Variants in RNF38 observed in about 807,000 individuals in gnomAD.
The protein encoded by RNF38 is ring finger protein 38, also known as E3 ubiquitin-protein ligase RNF38.
Under a neutral mutation model 67.2 loss-of-function variants are expected in RNF38, and 15 were observed. The ratio of observed to expected loss-of-function variants is 0.22; its 90% CI spans 0.15 to 0.34. The LOEUF (loss-of-function observed/expected upper bound fraction) is 0.34, where lower values mean the gene tolerates loss of function less well. Ranked by LOEUF, RNF38 falls within the 10% of genes least tolerant of loss-of-function variation. The probability of loss-of-function intolerance (pLI) is 1.00; values close to 1 mark genes in which losing one functional copy is unlikely to be tolerated. For missense variants in RNF38, 524 were observed against 639.9 expected (o/e 0.82, Z 1.95); for synonymous variants, 220 against 218.8 (o/e 1.01, Z -0.05).
intron 1 of RNF38, among the ~76,000 whole-genome samples, chr9:36,427,010 G>A (rs1057012808): frequency 1.3e-5 from 2 of 152,124 alleles, no homozygotes; most frequent in African/African-American, 4.8e-5. Context: ...TCACATCAAG[G>A]CTGTGATTTA....
intron 2 of RNF38, among the ~76,000 whole-genome samples, chr9:36,388,161 C>A (rs749369528): frequency 1.3e-5 from 2 of 151,882 alleles, no homozygotes; most frequent in African/African-American, 4.8e-5. Context: ...GAGAGATGTA[C>A]GTGAGGCACA....
chr9:36,438,006 C>T (rs563852012), intron 1 of RNF38, among the ~76,000 whole-genome samples: 8 of 152,276 alleles, frequency 5.3e-5, no homozygotes, highest in South Asian at 2.1e-4. Context: ...AGTGCAGTGG[C>T]GCAATCACAG....
chr9:36,415,848 T>C (rs758648065), intron 2 of RNF38, among the ~76,000 whole-genome samples: 19 of 152,118 alleles, frequency 1.2e-4, no homozygotes, highest in Non-Finnish European at 2.6e-4. Context: ...AGCTAGGATG[T>C]TACAGGCAGT....
At chr9:36,372,400 C>T in intron 3 of RNF38, 2 of 582,540 alleles carry the variant, frequency 3.4e-6, no homozygotes, top group South Asian at 2.2e-5. Flanking sequence ...AGTTTAATGG[C>T]CCTGTTTATT....
In RNF38 at chr9:36,375,989, T is replaced by G; in HGVS notation, c.301A>C (p.Ser101Arg). 1 of 1,613,332 alleles carries G rather than the reference T, an allele frequency of 6.2e-7. No homozygotes were observed. Among genetic ancestry groups the G allele is most frequent in the East Asian group, 2.2e-5 (1 of 44,842 alleles). The change falls in exon 3 of 12, where the codon AGC becomes CGC. Residue 101 changes from serine (S) to arginine (R), a missense_variant. Physicochemically the swap from Ser to Arg is moderately radical, Grantham distance 110. Transcript: ENST00000259605. ...CGTTCCCCTGAGAAGTGATGTTGGCTTGGTCGAACTGAAGGGGGCTGCCTA... is the reference window on the plus strand; with the variant it reads ...CGTTCCCCTGAGAAGTGATGTTGGCGTGGTCGAACTGAAGGGGGCTGCCTA... ...SNRQPPSVRP[S>R]QHHFSGERCN...
intron 1 of RNF38, among the ~76,000 whole-genome samples, chr9:36,433,959 C>A (rs1044203152): frequency 2.0e-5 from 3 of 151,892 alleles, no homozygotes; most frequent in Middle Eastern, 3.4e-3. Context: ...AACTTTTAGG[C>A]CAGGCGCGGT....
chr9:36,476,296 T>C lies in RNF38; in HGVS notation n.241+11012A>G, dbSNP rs534802358. Among the ~76,000 whole-genome samples, 4 of 152,044 alleles carry C rather than the reference T, an allele frequency of 2.6e-5. No individual in the cohort carries two copies. The East Asian group carries it at 7.8e-4, about 30-fold the overall frequency. ...ATCATGCCTGGCTAATTTTTGTATTTTAGTAGAGACGGGGTTTCCCCTTGG... is the reference window on the plus strand; with the variant it reads ...ATCATGCCTGGCTAATTTTTGTATTCTAGTAGAGACGGGGTTTCCCCTTGG... On this transcript the variant is annotated intron_variant and non_coding_transcript_variant, in intron 1 of 3. Coordinates refer to the RNF38 transcript ENST00000488058.
intron 1 of RNF38, among the ~76,000 whole-genome samples, chr9:36,483,136 C>T (rs1840318200): frequency 1.3e-5 from 2 of 152,160 alleles, no homozygotes; most frequent in African/African-American, 4.8e-5. Flanking sequence ...CGTGTAATCC[C>T]AACACTTTGG....
rs1361974207 is a variant in RNF38 at position 36,363,081 on chromosome 9, A to G, written c.571-5139T>C. On this transcript the variant is annotated intron_variant, in intron 4 of 11. Transcript: ENST00000259605. Reference sequence around the variant, plus strand: ...TGCTCTATCATCCATCCATCCATCCATCCATCCTTATCTACCTATGTATCT... The same window carrying G: ...TGCTCTATCATCCATCCATCCATCCGTCCATCCTTATCTACCTATGTATCT... Among the ~76,000 whole-genome samples the G allele has an allele frequency of 1.8e-4, 18 of 98,538 alleles. 5 individuals carry two copies. The highest frequency in any genetic ancestry group is 5.5e-4 in the African/African-American group (18 of 32,836). 64.6% of individuals were successfully genotyped at this position (98,538 alleles called of 152,430 possible).
intron 9 of RNF38, among the ~76,000 whole-genome samples, chr9:36,346,363 T>C (rs1262314712): frequency 6.6e-6 from 1 of 152,068 alleles, no homozygotes. Flanking sequence ...TTGTATTTTT[T>C]ATTTTTTAGT....
intron 1 of RNF38, among the ~76,000 whole-genome samples, chr9:36,433,909 A>G (rs1458922593): frequency 2.0e-5 from 3 of 151,958 alleles, no homozygotes; most frequent in African/African-American, 4.8e-5. Context: ...TTCTAAAACG[A>G]GTAATTTGGC....
rs138161191 is a variant in RNF38 at position 36,369,878 on chromosome 9, G to A, written c.411C>T (p.Ser137=). Reference sequence around the variant, plus strand: ...GGTGATAGTTTTCATCTTGACTAATGGAATTATGTCGAGACAGACGATCCC... The same window carrying A: ...GGTGATAGTTTTCATCTTGACTAATAGAATTATGTCGAGACAGACGATCCC... ...GRRDRLSRHN[S]ISQDENYHHL... The change falls in exon 4 of 12, where the codon TCC becomes TCT. Residue 137 remains serine, a synonymous_variant. Coordinates refer to ENST00000259605, the MANE Select transcript of RNF38 (RefSeq NM_022781.5). 6 of 1,613,486 alleles carry A rather than the reference G, an allele frequency of 3.7e-6. No individual in the cohort carries two copies. In the African/African-American group the frequency reaches 8.0e-5, roughly 22 times the overall value.
intron 2 of RNF38, among the ~76,000 whole-genome samples, chr9:36,378,943 C>T (rs1835996350): frequency 6.6e-6 from 1 of 151,714 alleles, no homozygotes; most frequent in Non-Finnish European, 1.5e-5. Context: ...TCTTGTTGCC[C>T]AGGCTGGAGT....
At chr9:36,398,285 G>C (rs1253213715) in intron 1 of RNF38, among the ~76,000 whole-genome samples, 1 of 152,080 alleles carries the variant, frequency 6.6e-6, no homozygotes, top group African/African-American at 2.4e-5. Context: ...AAGATCTAAG[G>C]CAGGCAGGCT....
chr9:36,406,551 C>A (rs1161737397), intron 2 of RNF38, among the ~76,000 whole-genome samples: 3 of 152,156 alleles, frequency 2.0e-5, no homozygotes, highest in Non-Finnish European at 4.4e-5. Flanking sequence ...ACACTTCTGC[C>A]CAATAAATAG....
chr9:36,339,880 G>A (rs183303684), intron 11 of RNF38, 66 bp from the exon 12 acceptor site: 19 of 1,270,368 alleles, frequency 1.5e-5, no homozygotes, highest in Middle Eastern at 1.8e-4. Flanking sequence ...TCAAAGCAAT[G>A]GAACTACTTT....
chr9:36,427,674 T>TCTAC (rs1398184025), intron 1 of RNF38, among the ~76,000 whole-genome samples: 1 of 36,872 alleles, frequency 2.7e-5, no homozygotes, highest in Non-Finnish European at 1.0e-4. Flanking sequence ...TATCTATCTA[T>TCTAC]CTATCTATCT....
At chr9:36,429,859 T>A (rs562886995) in intron 1 of RNF38, among the ~76,000 whole-genome samples, 1 of 152,222 alleles carries the variant, frequency 6.6e-6, no homozygotes, top group African/African-American at 2.4e-5. Context: ...CTCATTTTTT[T>A]AACTGTAGTA....
chr9:36,370,976 A>G (rs1002049977), intron 3 of RNF38, among the ~76,000 whole-genome samples: 1 of 152,090 alleles, frequency 6.6e-6, no homozygotes, highest in African/African-American at 2.4e-5. Flanking sequence ...TGTACTAGTC[A>G]TCGACATAGT....
Sources: gnomAD v4.1 joint callset for allele counts (sites outside exome capture counted in the v4.1 genomes callset) on GRCh38, gnomAD v4.1.1 for gene constraint, MANE v1.5 for transcripts, NCBI Gene and HGNC (gene_info 2026-07-23, HGNC 2026-07-21) for gene names.